The following OVCA2 variants were observed in gnomAD, a reference collection of about 807,000 sequenced individuals.
OVCA2 encodes the protein OVCA2 serine hydrolase domain containing.
Under a neutral mutation model 10.1 loss-of-function variants are expected in OVCA2, and 14 were observed. The ratio of observed to expected loss-of-function variants is 1.39; its 90% confidence interval spans 0.92 to 2.17. OVCA2 has a LOEUF of 2.17. Ranked by LOEUF, OVCA2 falls within the 30% of genes most tolerant of loss-of-function variation. OVCA2 has a pLI of 0.00. For missense variants in OVCA2, 376 were observed against 300.5 expected (o/e 1.25, Z -1.86); for synonymous variants, 201 against 134.1 (o/e 1.50, Z -3.45).
rs2151359265 is a variant in OVCA2, at chr17:2,042,829, C to T, written c.409C>T (p.Pro137Ser). The change falls in exon 2 of 2, where the codon CCC becomes TCC. Residue 137 changes from proline to serine, a missense_variant. Coordinates refer to ENST00000572195, the MANE Select transcript of OVCA2 (RefSeq NM_080822.3). ...LVCALGQAGD[P>S]RFPLPRFILL... ...GTGTGCCCTGGGCCAGGCAGGCGAT[C>T]CCCGCTTCCCCTTGCCACGGTTTAT... 4 of 1,614,122 alleles carry T rather than the reference C, an allele frequency of 2.5e-6. No individual in the cohort carries two copies. The South Asian group carries it at 3.3e-5, about 13-fold the overall frequency.
chr17:2,043,042 A>C lies in OVCA2; in HGVS notation c.622A>C (p.Ile208Leu), dbSNP rs775333931. The change falls in exon 2 of 2, where the codon ATT becomes CTT. Residue 208 changes from isoleucine (I) to leucine (L), a missense_variant. Ile to Leu is a conservative substitution (Grantham distance 5). Transcript: ENST00000572195. ...CCTCACCCACTCTGGTGGCCACTTC[A>C]TTCCAGCAGCTGCACCCCAGCGTCA... ...ITLTHSGGHFIPAAAPQRQAY... is the reference protein window; with the variant it reads ...ITLTHSGGHFLPAAAPQRQAY... 5 of 1,613,978 alleles carry C rather than the reference A, an allele frequency of 3.1e-6. No homozygotes were observed. Among genetic ancestry groups the C allele is most frequent in the Non-Finnish European group, 4.2e-6 (5 of 1,180,022 alleles).
chr17:2,042,302 A>T, intron 1 of OVCA2, 71 bp downstream of exon 1: 2 of 1,392,498 alleles, frequency 1.4e-6, no homozygotes, highest in Non-Finnish European at 1.9e-6. Context: ...GACACCCTTC[A>T]GCATCCCCCA....
intron 1 of OVCA2, 91 bp from the exon 2 acceptor site, chr17:2,042,510 CTCTG>C: frequency 7.0e-7 from 1 of 1,435,342 alleles, no homozygotes; most frequent in East Asian, 2.5e-5. Context: ...CCCTTTTTCT[CTCTG>C]TCATCTCGAA....
chr17:2,043,204 C>T lies in OVCA2; in HGVS notation c.*100C>T. 1 of 1,367,036 alleles carries T rather than the reference C, an allele frequency of 7.3e-7. No individual in the cohort carries two copies. Among genetic ancestry groups the T allele is most frequent in the Non-Finnish European group, 1.0e-6 (1 of 1,000,360 alleles). The allele number at this position is 1,367,036 out of a possible 1,614,324, so 84.7% of individuals were successfully genotyped here. On this transcript the variant is annotated 3_prime_UTR_variant, in exon 2 of 2. Transcript: ENST00000572195. ...CCCTCCACTCACTGCTGTGAGTGCG[C>T]CTCACCAGAACCAGTTAAGAGACAA...
At position 2,042,936 on chromosome 17, in the gene OVCA2, C is replaced by T. The variant is rs2067571671; in HGVS notation, c.516C>T (p.Leu172=). ...ILQRPLSLPS[L]HVFGDTDKVI... is the part of the protein sequence containing the mutation. ...AAAGGCCCTTGTCATTGCCTTCGCT[C>T]CATGTTTTTGGGGACACTGACAAAG... Residue 172 remains leucine (L), a synonymous_variant, in exon 2 of 2, where the codon CTC becomes CTT. Transcript: ENST00000572195. 5.0e-6 allele frequency: 8 copies of T among 1,614,146 alleles called. No homozygotes were observed. The highest frequency in any genetic ancestry group is 1.6e-4 in the Middle Eastern group (1 of 6,062).
In OVCA2 at chr17:2,043,060, C is replaced by T. The variant is rs1363716626; in HGVS notation, c.640C>T (p.Gln214Ter). The T allele has an allele frequency of 1.9e-6, 3 of 1,614,032 alleles. No homozygotes were observed. The highest frequency in any genetic ancestry group is 2.5e-6 in the Non-Finnish European group (3 of 1,180,032). ...GGHFIPAAAP[Q>*]RQAYLKFLDQ... Reference sequence around the variant, plus strand: ...CCACTTCATTCCAGCAGCTGCACCCCAGCGTCAGGCCTACCTCAAGTTCTT... The same window carrying T: ...CCACTTCATTCCAGCAGCTGCACCCTAGCGTCAGGCCTACCTCAAGTTCTT... Residue 214 changes from glutamine to a stop codon, truncating the protein, a stop_gained, in exon 2 of 2, where the codon CAG becomes TAG. Transcript: ENST00000572195. LOFTEE classifies it high-confidence loss of function.
rs1306948231 is a variant in OVCA2, at chr17:2,043,227, C to G, written c.*123C>G. The G allele has an allele frequency of 8.9e-6, 11 of 1,234,454 alleles. No individual in the cohort carries two copies. The highest frequency in any genetic ancestry group is 2.3e-4 in the Middle Eastern group (1 of 4,328). 76.5% of individuals were successfully genotyped at this position (1,234,454 alleles called of 1,614,324 possible). On this transcript the variant is annotated 3_prime_UTR_variant, in exon 2 of 2. Transcript: ENST00000572195. ...CGCCTCACCAGAACCAGTTAAGAGA[C>G]AACTATCAATTCTTGAGACCCAAAT...
chr17:2,042,902 C>T lies in OVCA2; in HGVS notation c.482C>T (p.Ser161Phe), dbSNP rs2067570658. 1 of 1,614,080 alleles carries T rather than the reference C, an allele frequency of 6.2e-7. No homozygotes were observed. Among genetic ancestry groups the T allele is most frequent in the Admixed American group, 1.7e-5 (1 of 60,010 alleles). The change falls in exon 2 of 2, where the codon TCC (serine) becomes TTC (phenylalanine). Residue 161 changes from serine (S) to phenylalanine (F), a missense_variant. Transcript: ENST00000572195. ...CCCCGGGGCATTGGGTTCAAGGAAT[C>T]CATCCTGCAAAGGCCCTTGTCATTG... ...FCPRGIGFKE[S>F]ILQRPLSLPS...
chr17:2,042,659 C>G lies in OVCA2; in HGVS notation c.239C>G (p.Ala80Gly). ...GGCTGGTGGTTTTCAGAGCAGGAGG[C>G]CGACGTTTTCTCCGCATTGGAAGAG... ...PRGWWFSEQE[A>G]DVFSALEEPA... The change falls in exon 2 of 2, where the codon GCC (alanine) becomes GGC (glycine). Residue 80 changes from alanine to glycine, a missense_variant. Coordinates refer to ENST00000572195, the MANE Select transcript of OVCA2 (RefSeq NM_080822.3). The G allele has an allele frequency of 3.3e-6, 5 of 1,524,458 alleles. No individual in the cohort carries two copies. Among genetic ancestry groups the G allele is most frequent in the Non-Finnish European group, 3.5e-6 (4 of 1,139,744 alleles). The allele number at this position is 1,524,458 out of a possible 1,614,324, so 94.4% of individuals were successfully genotyped here. A position where few individuals can be genotyped will look rare whatever the true frequency, so the allele number is the denominator to read the frequency against.
In OVCA2 at chr17:2,042,106, G is replaced by C; in HGVS notation, c.59G>C (p.Arg20Pro). 1 of 1,568,910 alleles carries C rather than the reference G, an allele frequency of 6.4e-7. No homozygotes were observed. Among genetic ancestry groups the C allele is most frequent in the Non-Finnish European group, 8.6e-7 (1 of 1,166,694 alleles). ...CTGGCGGGCTTCCGGCAGAGCGAGC[G>C]GGGCTTCCGTGAGAAGACCGGGGCG... The part of the protein sequence containing the change: ...LCLAGFRQSE[R>P]GFREKTGALR... The change falls in exon 1 of 2, where the codon CGG becomes CCG. Residue 20 changes from arginine to proline, a missense_variant. Transcript: ENST00000572195.
rs2067571587 is a variant in OVCA2 at position 2,042,935 on chromosome 17, T to C, written c.515T>C (p.Leu172Pro). The stretch of plus-strand genomic sequence containing the variant: ...CAAAGGCCCTTGTCATTGCCTTCGC[T>C]CCATGTTTTTGGGGACACTGACAAA... ...ILQRPLSLPSLHVFGDTDKVI... is the reference protein window; with the variant it reads ...ILQRPLSLPSPHVFGDTDKVI... The change falls in exon 2 of 2, where the codon CTC becomes CCC. Residue 172 changes from leucine (L) to proline (P), a missense_variant. By Grantham distance (98) the Leu-to-Pro change is moderately conservative. Coordinates refer to ENST00000572195, the MANE Select transcript of OVCA2 (RefSeq NM_080822.3). 11 of 1,614,112 alleles carry C rather than the reference T, an allele frequency of 6.8e-6. No homozygotes were observed. The highest frequency in any genetic ancestry group is 9.3e-6 in the Non-Finnish European group (11 of 1,180,016).
In OVCA2 at chr17:2,042,749, G is replaced by A. The variant is rs1323672558; in HGVS notation, c.329G>A (p.Gly110Glu). Residue 110 changes from glycine to glutamate, a missense_variant, in exon 2 of 2, where the codon GGG (glycine) becomes GAG (glutamate). By Grantham distance (98) the Gly-to-Glu change is moderately conservative. Coordinates refer to ENST00000572195, the MANE Select transcript of OVCA2 (RefSeq NM_080822.3). ...GTGGCACAGGCACTGAACAGGCTGG[G>A]GCCTTTTGACGGCCTTCTTGGTTTC... ...GMVAQALNRL[G>E]PFDGLLGFSQ... is the part of the protein sequence containing the mutation. The A allele has an allele frequency of 1.2e-6, 2 of 1,603,570 alleles. No homozygotes were observed. Among genetic ancestry groups the A allele is most frequent in the South Asian group, 1.1e-5 (1 of 89,844 alleles).
At position 2,042,030 on chromosome 17, in the gene OVCA2, C is replaced by A. The variant is rs978593108; in HGVS notation, c.-18C>A. ...GAAAGACCGCTTCCGGTGCTTCCGT[C>A]GCTCCTTGCCGGGCATAATGGCCGC... On this transcript the variant is annotated 5_prime_UTR_variant, in exon 1 of 2. Transcript: ENST00000572195. 4 of 1,501,344 alleles carry A rather than the reference C, an allele frequency of 2.7e-6. No homozygotes were observed. In the African/African-American group the frequency reaches 5.7e-5, roughly 21 times the overall value. 93.0% of individuals were successfully genotyped at this position (1,501,344 alleles called of 1,614,324 possible).
chr17:2,042,626 A>C lies in OVCA2; in HGVS notation c.206A>C (p.Gln69Pro). 6.6e-7 allele frequency: 1 copy of C among 1,519,484 alleles called. No individual in the cohort carries two copies. The highest frequency in any genetic ancestry group is 8.8e-7 in the Non-Finnish European group (1 of 1,136,732). 94.1% of individuals were successfully genotyped at this position (1,519,484 alleles called of 1,614,324 possible). A position where few individuals can be genotyped will look rare whatever the true frequency, so the allele number is the denominator to read the frequency against. ...GTAGGGTCCTGCCCTCCGGAGGAGC[A>C]GCCTCGAGGCTGGTGGTTTTCAGAG... ...SDFGSCPPEE[Q>P]PRGWWFSEQE... Residue 69 changes from glutamine to proline, a missense_variant, in exon 2 of 2, where the codon CAG becomes CCG. Gln to Pro is a moderately conservative substitution (Grantham distance 76). Transcript: ENST00000572195.
At position 2,043,284 on chromosome 17, in the gene OVCA2, G is replaced by A; in HGVS notation, c.*180G>A. 1.4e-6 allele frequency: 1 copy of A among 709,504 alleles called. No homozygotes were observed. Among genetic ancestry groups the A allele is most frequent in the Non-Finnish European group, 2.3e-6 (1 of 440,670 alleles). The allele number at this position is 709,504 out of a possible 1,614,324, so 44.0% of individuals were successfully genotyped here. The stretch of plus-strand genomic sequence containing the variant: ...GGCCCTGCCCTGTACTGAAGAAAAG[G>A]GGAGCACAAGGCCTTAATGGACATT... On this transcript the variant is annotated 3_prime_UTR_variant, in exon 2 of 2. Transcript: ENST00000572195.
chr17:2,043,181 C>T lies in OVCA2; in HGVS notation c.*77C>T, dbSNP rs886859809. On this transcript the variant is annotated 3_prime_UTR_variant, in exon 2 of 2. Transcript: ENST00000572195. ...CCGTCATCCATGCCCTCCCAGGACC[C>T]TCCACTCACTGCTGTGAGTGCGCCT... 3.3e-6 allele frequency: 5 copies of T among 1,501,922 alleles called. No homozygotes were observed. The highest frequency in any genetic ancestry group is 1.4e-5 in the African/African-American group (1 of 72,368). 93.0% of individuals were successfully genotyped at this position (1,501,922 alleles called of 1,614,324 possible).
At position 2,042,079 on chromosome 17, in the gene OVCA2, G is replaced by A; in HGVS notation, c.32G>A (p.Cys11Tyr). 1.3e-6 allele frequency: 2 copies of A among 1,564,294 alleles called. No homozygotes were observed. Among genetic ancestry groups the A allele is most frequent in the Non-Finnish European group, 1.7e-6 (2 of 1,164,594 alleles). Residue 11 changes from cysteine (C) to tyrosine (Y), a missense_variant, in exon 1 of 2, where the codon TGC (cysteine) becomes TAC (tyrosine). Coordinates refer to ENST00000572195, the MANE Select transcript of OVCA2 (RefSeq NM_080822.3). MAAQRPLRVLCLAGFRQSERG... is the reference protein window; with the variant it reads MAAQRPLRVLYLAGFRQSERG... ...GCGCAGCGACCCCTGCGGGTCCTGT[G>A]CCTGGCGGGCTTCCGGCAGAGCGAG...
chr17:2,042,210 G>A lies in OVCA2; in HGVS notation c.163G>A (p.Glu55Lys). ...PHPVPDPPGP[E>K]GARSDFGSCP... The stretch of plus-strand genomic sequence containing the variant: ...CCCGGTCCCCGACCCCCCGGGCCCC[G>A]AGGGCGCCAGATCAGACTTCGGTGA... Residue 55 changes from glutamate (E) to lysine (K), a missense_variant, in exon 1 of 2, where the codon GAG becomes AAG. By Grantham distance (56) the Glu-to-Lys change is moderately conservative (BLOSUM62 1). Transcript: ENST00000572195. 7.0e-7 allele frequency: 1 copy of A among 1,431,382 alleles called. No homozygotes were observed. Among genetic ancestry groups the A allele is most frequent in the Admixed American group, 2.9e-5 (1 of 34,606 alleles). 88.7% of individuals were successfully genotyped at this position (1,431,382 alleles called of 1,614,324 possible).
At chr17:2,042,535 C>T in intron 1 of OVCA2, 70 bp from the exon 2 acceptor site, 6 of 1,481,360 alleles carry the variant, frequency 4.1e-6, no homozygotes, top group South Asian at 3.0e-5. Flanking sequence ...CCCTCCTGCC[C>T]TTTCTCATTT....
Sources: gnomAD v4.1 joint callset for allele counts on GRCh38, gnomAD v4.1.1 for gene constraint, MANE v1.5 for transcripts, NCBI Gene and HGNC (gene_info 2026-07-23, HGNC 2026-07-21) for gene names.